Variants in SPHK1 observed in about 807,000 individuals in gnomAD.
SPHK1 encodes the protein sphingosine kinase 1, also known as SK 1.
SPHK1 carries 10 observed loss-of-function variants against 14.6 expected under a neutral mutation model. The ratio of observed to expected loss-of-function variants is 0.68; its 90% CI spans 0.42 to 1.16. The LOEUF (loss-of-function observed/expected upper bound fraction) is 1.16. Ranked by LOEUF, SPHK1 falls within the 50% of genes most tolerant of loss-of-function variation. The probability of loss-of-function intolerance (pLI) is 0.00; values close to 1 mark genes in which losing one functional copy is unlikely to be tolerated. For missense variants in SPHK1, 553 were observed against 525.4 expected (o/e 1.05, Z -0.51); for synonymous variants, 274 against 224.0 (o/e 1.22, Z -1.99).
chr17:76,386,232 C>T lies in SPHK1; in HGVS notation c.175C>T (p.His59Tyr). ...CGGTCTCCCTGCAGAGCGGCGGAAC[C>T]ACGCGCGGGAGCTGGTGCGGTCGGA... ...FTLMLTERRN[H>Y]ARELVRSEEL... Residue 59 changes from histidine (H) to tyrosine (Y), a missense_variant, in exon 4 of 6, where the codon CAC becomes TAC. Coordinates refer to ENST00000592299, the MANE Select transcript of SPHK1 (RefSeq NM_001142601.2). The surrounding 1 kb of genome is among the most constrained non-coding windows in gnomAD (Gnocchi z 5.3). The T allele has an allele frequency of 1.9e-6, 3 of 1,595,204 alleles. No individual in the cohort carries two copies. The highest frequency in any genetic ancestry group is 1.1e-5 in the South Asian group (1 of 90,328).
chr17:76,383,463 C>T (rs1030138109), upstream of SPHK1: 3 of 184,694 alleles, frequency 1.6e-5, no homozygotes, highest in African/African-American at 7.2e-5. Flanking sequence ...CAGGGCGCCG[C>T]CCGGCTAATT....
chr17:76,385,554 C>T lies in SPHK1; in HGVS notation c.-91C>T. ...CCTGCGACGCCCGCCTGGGCAGCAC[C>T]GATAAGGAGCTGAAGGCAGGAGCCG... On this transcript the variant is annotated 5_prime_UTR_variant, in exon 2 of 6. Transcript: ENST00000592299. The surrounding 1 kb of genome is among the most constrained non-coding windows in gnomAD (Gnocchi z 5.3). 7 of 1,540,198 alleles carry T rather than the reference C, an allele frequency of 4.5e-6. No homozygotes were observed. The South Asian group carries it at 4.7e-5, about 10-fold the overall frequency.
In SPHK1 at chr17:76,386,521, G is replaced by A. The variant is rs768337019; in HGVS notation, c.374+13G>A. ...ACCATTATGCTGGGTGAGAGCCCAG[G>A]GCCAGAGTAGGCCTGTTTCCCGTCA... On this transcript the variant is annotated intron_variant, in intron 5 of 5. Coordinates refer to ENST00000592299, the MANE Select transcript of SPHK1 (RefSeq NM_001142601.2). This position sits in a 1 kb window ranked among gnomAD's most constrained non-coding sequence, Gnocchi z 5.3. 3 of 1,602,080 alleles carry A rather than the reference G, an allele frequency of 1.9e-6. No individual in the cohort carries two copies. Among genetic ancestry groups the A allele is most frequent in the East Asian group, 4.5e-5 (2 of 44,734 alleles).
rs371169499 is a variant in SPHK1, at chr17:76,385,752, C to A, written c.10+98C>A. On this transcript the variant is annotated intron_variant, in intron 2 of 5. Coordinates refer to ENST00000592299, the MANE Select transcript of SPHK1 (RefSeq NM_001142601.2). This position sits in a 1 kb window ranked among gnomAD's most constrained non-coding sequence, Gnocchi z 5.3. ...CTGGACGAAAGGGGCTGTGGACGAT[C>A]GGGAGAAACATTATCCCTCACGAGG... 78 of 1,429,682 alleles carry A rather than the reference C, an allele frequency of 5.5e-5. No individual in the cohort carries two copies. In the African/African-American group the frequency reaches 1.0e-3, roughly 19 times the overall value. The allele number at this position is 1,429,682 out of a possible 1,614,324, so 88.6% of individuals were successfully genotyped here. A position where few individuals can be genotyped will look rare whatever the true frequency, so the allele number is the denominator to read the frequency against.
chr17:76,387,023 C>T lies in SPHK1; in HGVS notation c.592C>T (p.Leu198=), dbSNP rs1463090070. 4.3e-6 allele frequency: 7 copies of T among 1,613,642 alleles called. No homozygotes were observed. Among genetic ancestry groups the T allele is most frequent in the South Asian group, 1.1e-5 (1 of 91,080 alleles). The stretch of plus-strand genomic sequence containing the variant: ...GATGCGCTTCACTCTGGGCACCTTC[C>T]TGCGTCTGGCAGCCCTGCGCACCTA... ...GEMRFTLGTF[L]RLAALRTYRG... The change falls in exon 6 of 6, where the codon CTG becomes TTG. Residue 198 remains leucine, a synonymous_variant. Coordinates refer to ENST00000592299, the MANE Select transcript of SPHK1 (RefSeq NM_001142601.2). The surrounding 1 kb of genome is among the most constrained non-coding windows in gnomAD (Gnocchi z 4.1).
In SPHK1 at chr17:76,385,877, A is replaced by C. The variant is rs1245961279; in HGVS notation, c.11-108A>C. ...AAGGCCGCTCCTCTGGCCAGGGTCAATTACCGGGGTGTTTCGGGCACCAAG... is the reference window on the plus strand; with the variant it reads ...AAGGCCGCTCCTCTGGCCAGGGTCACTTACCGGGGTGTTTCGGGCACCAAG... On this transcript the variant is annotated intron_variant, in intron 2 of 5. Transcript: ENST00000592299. This position sits in a 1 kb window ranked among gnomAD's most constrained non-coding sequence, Gnocchi z 5.3. 6.7e-7 allele frequency: 1 copy of C among 1,489,826 alleles called. No homozygotes were observed. Among genetic ancestry groups the C allele is most frequent in the East Asian group, 2.5e-5 (1 of 40,534 alleles). 92.3% of individuals were successfully genotyped at this position (1,489,826 alleles called of 1,614,324 possible).
In SPHK1 at chr17:76,385,357, G is replaced by T; in HGVS notation, c.-194-94G>T. 1 of 1,447,890 alleles carries T rather than the reference G, an allele frequency of 6.9e-7. No individual in the cohort carries two copies. The allele number at this position is 1,447,890 out of a possible 1,614,324, so 89.7% of individuals were successfully genotyped here. A position where few individuals can be genotyped will look rare whatever the true frequency, so the allele number is the denominator to read the frequency against. On this transcript the variant is annotated intron_variant, in intron 1 of 5. Transcript: ENST00000592299. The surrounding 1 kb of genome is among the most constrained non-coding windows in gnomAD (Gnocchi z 5.3). The stretch of plus-strand genomic sequence containing the variant: ...GCTCTCTGGACTTCCCGGGAACCTG[G>T]CTCCCCGCGCGTGGTCCCGGGATTT...
At position 76,386,663 on chromosome 17, in the gene SPHK1, C is replaced by T. The variant is rs2071989987; in HGVS notation, c.375-143C>T. 4 of 1,171,012 alleles carry T rather than the reference C, an allele frequency of 3.4e-6. No individual in the cohort carries two copies. Among genetic ancestry groups the T allele is most frequent in the South Asian group, 1.5e-5 (1 of 66,120 alleles). The allele number at this position is 1,171,012 out of a possible 1,614,324, so 72.5% of individuals were successfully genotyped here. ...CCTGGTGACCCCAGCTGACTGCTTC[C>T]ATTTGCTCCATCTGTCACCTACCAG... is the stretch of plus-strand genomic sequence containing the variant. On this transcript the variant is annotated intron_variant, in intron 5 of 5. Coordinates refer to ENST00000592299, the MANE Select transcript of SPHK1 (RefSeq NM_001142601.2). The surrounding 1 kb of genome is among the most constrained non-coding windows in gnomAD (Gnocchi z 5.3).
rs2071945056 is a variant in SPHK1 at position 76,385,258 on chromosome 17, C to G, written c.-194-193C>G. On this transcript the variant is annotated intron_variant, in intron 1 of 5. Coordinates refer to ENST00000592299, the MANE Select transcript of SPHK1 (RefSeq NM_001142601.2). This position sits in a 1 kb window ranked among gnomAD's most constrained non-coding sequence, Gnocchi z 5.3. The stretch of plus-strand genomic sequence containing the variant: ...ACCCCAAGCCCCAGGGAGAAAGCCC[C>G]GGAGCAGGCGCCCTTCTCAGGGATT... 1 of 1,514,368 alleles carries G rather than the reference C, an allele frequency of 6.6e-7. No individual in the cohort carries two copies. Among genetic ancestry groups the G allele is most frequent in the Non-Finnish European group, 8.8e-7 (1 of 1,130,160 alleles). 93.8% of individuals were successfully genotyped at this position (1,514,368 alleles called of 1,614,324 possible). A position where few individuals can be genotyped will look rare whatever the true frequency, so the allele number is the denominator to read the frequency against.
intron 1 of SPHK1, 193 bp downstream of exon 1, chr17:76,384,999 C>G: frequency 7.3e-7 from 1 of 1,367,796 alleles, no homozygotes; most frequent in East Asian, 2.8e-5. Context: ...GAGCGGGGCC[C>G]TGAGAAGCGC....
chr17:76,385,936 C>A lies in SPHK1; in HGVS notation c.11-49C>A. On this transcript the variant is annotated intron_variant, in intron 2 of 5. Coordinates refer to ENST00000592299, the MANE Select transcript of SPHK1 (RefSeq NM_001142601.2). The surrounding 1 kb of genome is among the most constrained non-coding windows in gnomAD (Gnocchi z 5.3). The stretch of plus-strand genomic sequence containing the variant: ...CTAGTGCCCCATTGTTACCCGTGGC[C>A]CCCTAGTGGTCGGTTGCGGACGTGG... 2 of 1,556,720 alleles carry A rather than the reference C, an allele frequency of 1.3e-6. No individual in the cohort carries two copies. Among genetic ancestry groups the A allele is most frequent in the Non-Finnish European group, 1.7e-6 (2 of 1,148,470 alleles).
upstream of SPHK1, chr17:76,383,719 C>A (rs2071907884): frequency 4.5e-6 from 3 of 672,726 alleles, no homozygotes; most frequent in Non-Finnish European, 6.7e-6. Flanking sequence ...TGTGGCTTGC[C>A]GCGATAAGTG....
In SPHK1 at chr17:76,387,793, G is replaced by T; in HGVS notation, c.*207G>T. On this transcript the variant is annotated 3_prime_UTR_variant, in exon 6 of 6. Coordinates refer to ENST00000592299, the MANE Select transcript of SPHK1 (RefSeq NM_001142601.2). This position sits in a 1 kb window ranked among gnomAD's most constrained non-coding sequence, Gnocchi z 4.1. Reference sequence around the variant, plus strand: ...GGCTGGGCCCAGCTGCCTATGTAAGGCCTTCTAGTTTGTTCTGAGACCCCC... The same window carrying T: ...GGCTGGGCCCAGCTGCCTATGTAAGTCCTTCTAGTTTGTTCTGAGACCCCC... 1.7e-6 allele frequency: 1 copy of T among 580,142 alleles called. No homozygotes were observed. Among genetic ancestry groups the T allele is most frequent in the African/African-American group, 1.9e-5 (1 of 53,752 alleles). 35.9% of individuals were successfully genotyped at this position (580,142 alleles called of 1,614,324 possible).
chr17:76,387,323 A>G lies in SPHK1; in HGVS notation c.892A>G (p.Met298Val), dbSNP rs1383567557. The G allele has an allele frequency of 1.2e-6, 2 of 1,613,298 alleles. No individual in the cohort carries two copies. Among genetic ancestry groups the G allele is most frequent in the African/African-American group, 1.3e-5 (1 of 74,786 alleles). The change falls in exon 6 of 6, where the codon ATG becomes GTG. Residue 298 changes from methionine to valine, a missense_variant. By Grantham distance (21) the Met-to-Val change is conservative. Transcript: ENST00000592299. This position sits in a 1 kb window ranked among gnomAD's most constrained non-coding sequence, Gnocchi z 4.1. ...CGTGCGGGCGGGAGTGTCTCGTGCC[A>G]TGCTGCTGCGCCTCTTCCTGGCCAT... The part of the protein sequence containing the change: ...FYVRAGVSRA[M>V]LLRLFLAMEK...
chr17:76,387,543 G>C lies in SPHK1; in HGVS notation c.1112G>C (p.Ser371Thr). The C allele has an allele frequency of 6.2e-7, 1 of 1,607,024 alleles. No homozygotes were observed. The highest frequency in any genetic ancestry group is 8.5e-7 in the Non-Finnish European group (1 of 1,177,786). Residue 371 changes from serine to threonine, a missense_variant, in exon 6 of 6, where the codon AGC becomes ACC. By Grantham distance (58) the Ser-to-Thr change is moderately conservative. Coordinates refer to ENST00000592299, the MANE Select transcript of SPHK1 (RefSeq NM_001142601.2). This position sits in a 1 kb window ranked among gnomAD's most constrained non-coding sequence, Gnocchi z 4.1. ...AGCGGTTGCGTGGAGCCCCCGCCCA[G>C]CTGGAAGCCCCAGCAGATGCCACCG... The part of the protein sequence containing the change: ...MVSGCVEPPP[S>T]WKPQQMPPPE...
At position 76,385,893 on chromosome 17, in the gene SPHK1, G is replaced by A. The variant is rs1026303142; in HGVS notation, c.11-92G>A. 13 of 1,498,428 alleles carry A rather than the reference G, an allele frequency of 8.7e-6. No homozygotes were observed. The highest frequency in any genetic ancestry group is 2.5e-5 in the East Asian group (1 of 40,690). The allele number at this position is 1,498,428 out of a possible 1,614,324, so 92.8% of individuals were successfully genotyped here. A position where few individuals can be genotyped will look rare whatever the true frequency, so the allele number is the denominator to read the frequency against. On this transcript the variant is annotated intron_variant, in intron 2 of 5. Transcript: ENST00000592299. This position sits in a 1 kb window ranked among gnomAD's most constrained non-coding sequence, Gnocchi z 5.3. Reference sequence around the variant, plus strand: ...CCAGGGTCAATTACCGGGGTGTTTCGGGCACCAAGTTCCCACACTAGTGCC... The same window carrying A: ...CCAGGGTCAATTACCGGGGTGTTTCAGGCACCAAGTTCCCACACTAGTGCC...
At position 76,386,730 on chromosome 17, in the gene SPHK1, C is replaced by A; in HGVS notation, c.375-76C>A. The A allele has an allele frequency of 6.8e-7, 1 of 1,474,130 alleles. No individual in the cohort carries two copies. The highest frequency in any genetic ancestry group is 9.1e-7 in the Non-Finnish European group (1 of 1,102,926). 91.3% of individuals were successfully genotyped at this position (1,474,130 alleles called of 1,614,324 possible). A position where few individuals can be genotyped will look rare whatever the true frequency, so the allele number is the denominator to read the frequency against. ...GGGACCACATGGCGCTTTGCCAGCT[C>A]CCACTCCCCGGGAGGAGGAAGCGGG... On this transcript the variant is annotated intron_variant, in intron 5 of 5. Transcript: ENST00000592299. This position sits in a 1 kb window ranked among gnomAD's most constrained non-coding sequence, Gnocchi z 5.3.
chr17:76,387,632 C>T lies in SPHK1; in HGVS notation c.*46C>T, dbSNP rs2072019747. On this transcript the variant is annotated 3_prime_UTR_variant, in exon 6 of 6. Coordinates refer to ENST00000592299, the MANE Select transcript of SPHK1 (RefSeq NM_001142601.2). The surrounding 1 kb of genome is among the most constrained non-coding windows in gnomAD (Gnocchi z 4.1). ...TTAGTGTCTACTTGCAGGACCCTTC[C>T]TCCTTCCCTAGGGCTGCAGGGCCTG... 3 of 1,525,950 alleles carry T rather than the reference C, an allele frequency of 2.0e-6. No homozygotes were observed. Among genetic ancestry groups the T allele is most frequent in the Admixed American group, 1.9e-5 (1 of 53,056 alleles). 94.5% of individuals were successfully genotyped at this position (1,525,950 alleles called of 1,614,324 possible).
chr17:76,386,925 CTG>C lies in SPHK1; in HGVS notation c.497_498del (p.Val166AlafsTer10). On this transcript the variant is annotated frameshift_variant, in exon 6 of 6. Transcript: ENST00000592299. LOFTEE classifies it low-confidence loss of function (END_TRUNC). This position sits in a 1 kb window ranked among gnomAD's most constrained non-coding sequence, Gnocchi z 5.3. ...ACGGCTTCGGGGCTGCGCCTCTTCT[CTG>C]TGCTCAGCCTGGCCTGGGGCTTCAT... The C allele has an allele frequency of 1.2e-6, 2 of 1,613,106 alleles. No homozygotes were observed. Among genetic ancestry groups the C allele is most frequent in the Non-Finnish European group, 1.7e-6 (2 of 1,179,664 alleles).
Sources: allele counts gnomAD v4.1 joint callset, GRCh38; gene constraint gnomAD v4.1.1; non-coding constraint Gnocchi (gnomAD v3.1); transcripts MANE v1.5; gene names NCBI Gene and HGNC (gene_info 2026-07-23, HGNC 2026-07-21).